Variants in METTL16 observed in about 807,000 individuals in gnomAD.
METTL16 encodes methyltransferase 16, RNA N6-adenosine, also known as RNA N(6)-adenosine-methyltransferase METTL16.
A neutral mutation model predicts 57.9 loss-of-function variants in METTL16; 19 were observed. The ratio of observed to expected loss-of-function variants is 0.33; its 90% CI spans 0.23 to 0.48. METTL16 has a LOEUF of 0.48. METTL16 is among the 20% of genes least tolerant of loss of function. The pLI is 0.99. For synonymous variants in METTL16, 246 were observed against 255.6 expected, an observed-to-expected ratio of 0.96 and a Z score of 0.36; for missense variants, 434 against 691.5, an observed-to-expected ratio of 0.63 and a Z score of 4.18.
intron 2 of METTL16, among the ~76,000 whole-genome samples, chr17:2,481,154 G>A (rs964280929): frequency 6.6e-5 from 10 of 151,178 alleles, no homozygotes; most frequent in African/African-American, 2.4e-4. Flanking sequence ...GTTGCAGTGA[G>A]CCTAGATGAA....
At chr17:2,426,431 G>A (rs1056516377) in intron 8 of METTL16, among the ~76,000 whole-genome samples, 2 of 152,048 alleles carry the variant, frequency 1.3e-5, no homozygotes, top group Non-Finnish European at 2.9e-5. Flanking sequence ...CGTAAAAACA[G>A]TAAAAAGTAA....
At chr17:2,493,245 C>A (rs570911466) in intron 2 of METTL16, among the ~76,000 whole-genome samples, 6 of 151,212 alleles carry the variant, frequency 4.0e-5, no homozygotes, top group Admixed American at 1.3e-4. Context: ...CGTGCCACCA[C>A]GCCCGGCTAA....
At chr17:2,488,182 AC>A (rs901821823) in intron 2 of METTL16, among the ~76,000 whole-genome samples, 2 of 152,318 alleles carry the variant, frequency 1.3e-5, no homozygotes, top group Admixed American at 6.5e-5. Flanking sequence ...GGTGAAAGCA[AC>A]CTAAAGGTCC....
Position 2,511,751 on chromosome 17 carries a change from T to A in METTL16, c.-1+8A>T. ...AGTAAATCTGCGTGAGAGATATAAG[T>A]GACCCACCTCTGAGGCCGAGGTTCC... On this transcript the variant is annotated splice_region_variant and intron_variant, in intron 1 of 9. Transcript: ENST00000263092. 2.5e-6 allele frequency: 1 copy of A among 398,442 alleles called. No homozygotes were observed. Among genetic ancestry groups the A allele is most frequent in the South Asian group, 1.3e-4 (1 of 7,800 alleles). The allele number at this position is 398,442 out of a possible 1,614,324, so 24.7% of individuals were successfully genotyped here. A position where few individuals can be genotyped will look rare whatever the true frequency, so the allele number is the denominator to read the frequency against.
At position 2,417,525 on chromosome 17, in the gene METTL16, G is replaced by A. The variant is rs1449647243; in HGVS notation, c.*2445C>T. The stretch of plus-strand genomic sequence containing the variant: ...TTCTCTGGAAATCCCTACGACACAG[G>A]CTTAAAGGCCAGTGCTGTGCCTGAA... On this transcript the variant is annotated 3_prime_UTR_variant, in exon 10 of 10. Coordinates refer to ENST00000263092, the MANE Select transcript of METTL16 (RefSeq NM_024086.4). 1 of 152,170 alleles carries A rather than the reference G, an allele frequency of 6.6e-6. No homozygotes were observed. Among genetic ancestry groups the A allele is most frequent in the East Asian group, 1.9e-4 (1 of 5,186 alleles). 9.4% of individuals were successfully genotyped at this position (152,170 alleles called of 1,614,324 possible). A position where few individuals can be genotyped will look rare whatever the true frequency, so the allele number is the denominator to read the frequency against.
chr17:2,510,970 G>A (rs2151583881), intron 1 of METTL16, among the ~76,000 whole-genome samples: 1 of 151,946 alleles, frequency 6.6e-6, no homozygotes, highest in East Asian at 1.9e-4. Flanking sequence ...TTTCAAGAGG[G>A]TAAATATTTT....
At chr17:2,474,836 C>T (rs8069358) in intron 3 of METTL16, among the ~76,000 whole-genome samples, 4,238 of 152,278 alleles carry the variant, frequency 0.028, 191 homozygotes, top group African/African-American at 0.096. Context: ...AGGAGAATCG[C>T]TCGAACCTGG....
intron 6 of METTL16, among the ~76,000 whole-genome samples, chr17:2,453,016 C>T (rs1258928232): frequency 2.0e-5 from 3 of 152,020 alleles, no homozygotes; most frequent in Non-Finnish European, 4.4e-5. Flanking sequence ...TGTGCCACCA[C>T]AACAGGCTAA....
intron 6 of METTL16, among the ~76,000 whole-genome samples, chr17:2,445,340 T>C (rs967398110): frequency 6.6e-6 from 1 of 152,162 alleles, no homozygotes; most frequent in African/African-American, 2.4e-5. Flanking sequence ...ATATCATCTA[T>C]AGCATTCACA....
chr17:2,443,047 T>C (rs891560827), intron 6 of METTL16, among the ~76,000 whole-genome samples: 1 of 152,054 alleles, frequency 6.6e-6, no homozygotes, highest in Admixed American at 6.6e-5. Context: ...TGGAGTGCAG[T>C]GGCGTGATCT....
rs368518235 is a variant in METTL16 at position 2,420,203 on chromosome 17, C to T, written c.1456G>A (p.Gly486Arg). 2.5e-5 allele frequency: 41 copies of T among 1,614,106 alleles called. No homozygotes were observed. Among genetic ancestry groups the T allele is most frequent in the Non-Finnish European group, 3.1e-5 (36 of 1,180,044 alleles). Residue 486 changes from glycine (G) to arginine (R), a missense_variant, in exon 10 of 10, where the codon GGA becomes AGA. Physicochemically the swap from Gly to Arg is moderately radical, Grantham distance 125. Coordinates refer to ENST00000263092, the MANE Select transcript of METTL16 (RefSeq NM_024086.4). This position sits in a 1 kb window ranked among gnomAD's most constrained non-coding sequence, Gnocchi z 5.4. ...VLESCQGSSN[G>R]AQDQEASEQF... ...TCAGAAGCCTCTTGGTCCTGGGCTC[C>T]GTTGCTAGAGCCTTGACAACTTTCC...
At chr17:2,425,820 G>A (rs2066813765) in intron 8 of METTL16, among the ~76,000 whole-genome samples, 1 of 152,012 alleles carries the variant, frequency 6.6e-6, no homozygotes, top group Non-Finnish European at 1.5e-5. Context: ...CTGAGTAGCA[G>A]GGACTATAGG....
chr17:2,450,656 A>G (rs1166919830), intron 6 of METTL16, among the ~76,000 whole-genome samples: 1 of 152,210 alleles, frequency 6.6e-6, no homozygotes, highest in Non-Finnish European at 1.5e-5. Flanking sequence ...AACGTTTTAC[A>G]TGTTTCCTTC....
chr17:2,431,723 AAAAT>A (rs537231964), intron 8 of METTL16, among the ~76,000 whole-genome samples: 1 of 152,174 alleles, frequency 6.6e-6, no homozygotes, highest in Non-Finnish European at 1.5e-5. Context: ...TTTTGACTCA[AAAAT>A]AAATAAATAA....
At position 2,420,819 on chromosome 17, in the gene METTL16, G is replaced by C; in HGVS notation, c.974C>G (p.Ser325Cys). The change falls in exon 9 of 10, where the codon TCC becomes TGC. Residue 325 changes from serine to cysteine, a missense_variant. By Grantham distance (112) the Ser-to-Cys change is moderately radical (BLOSUM62 -1). Coordinates refer to ENST00000263092, the MANE Select transcript of METTL16 (RefSeq NM_024086.4). The surrounding 1 kb of genome is among the most constrained non-coding windows in gnomAD (Gnocchi z 5.4). ...VVLASVMKELSLKASPLRSET... is the reference protein window; with the variant it reads ...VVLASVMKELCLKASPLRSET... ...CGAGCGCAGAGGTGATGCTTTGAGG[G>C]ATAATTCCTTCATCACGGACGCCAG... 1 of 1,614,206 alleles carries C rather than the reference G, an allele frequency of 6.2e-7. No homozygotes were observed. Among genetic ancestry groups the C allele is most frequent in the Non-Finnish European group, 8.5e-7 (1 of 1,180,048 alleles).
rs528386579 is a variant in METTL16 at position 2,500,623 on chromosome 17, C to T, written c.128+1581G>A. On this transcript the variant is annotated intron_variant, in intron 2 of 9. Transcript: ENST00000263092. ...TTCCTTTTTCTCCTCTAATCCTGCT[C>T]CTCTTCCTTCCCATAGCTGAATCAC... is the stretch of plus-strand genomic sequence containing the variant. Among the ~76,000 whole-genome samples the T allele has an allele frequency of 1.6e-4, 24 of 152,224 alleles. No homozygotes were observed. The South Asian group carries it at 4.8e-3, about 30-fold the overall frequency.
chr17:2,507,047 C>T (rs1430654992), intron 1 of METTL16, among the ~76,000 whole-genome samples: 9 of 151,482 alleles, frequency 5.9e-5, no homozygotes, highest in Admixed American at 3.3e-4. Context: ...CGTCTCCACC[C>T]GGCAGCCACC....
At chr17:2,448,789 T>TAA (rs1288709390) in intron 6 of METTL16, among the ~76,000 whole-genome samples, 7 of 47,734 alleles carry the variant, frequency 1.5e-4, no homozygotes, top group African/African-American at 4.0e-4. Flanking sequence ...AATAAAAAAA[T>TAA]AAAAATAAAA....
intron 3 of METTL16, 54 bp from the exon 4 acceptor site, chr17:2,473,718 A>G (rs947747383): frequency 1.9e-6 from 3 of 1,551,254 alleles, no homozygotes; most frequent in Non-Finnish European, 2.6e-6. Context: ...AAAGGTTACA[A>G]TAATCATGAA....
Sources: allele counts gnomAD v4.1 joint callset (sites outside exome capture counted in the v4.1 genomes callset), GRCh38; gene constraint gnomAD v4.1.1; non-coding constraint Gnocchi (gnomAD v3.1); transcripts MANE v1.5; gene names NCBI Gene and HGNC (gene_info 2026-07-23, HGNC 2026-07-21).